The following CRB2 variants were observed in gnomAD, a reference collection of about 807,000 sequenced individuals.
The protein encoded by CRB2 is crumbs cell polarity complex component 2.
A neutral mutation model predicts 110.9 loss-of-function variants in CRB2; 85 were observed. The observed-to-expected ratio is 0.77, with a 90% CI of 0.64 to 0.92. The LOEUF is 0.92. Ranked by LOEUF, CRB2 falls within the 40% of genes least tolerant of loss-of-function variation. CRB2 has a pLI of 0.00. For synonymous variants in CRB2, 907 were observed against 831.0 expected (o/e 1.09, Z -1.57); for missense variants, 1,843 against 1,851.3 (o/e 1.00, Z 0.08).
At chr9:123,368,783 C>A in intron 6 of CRB2, 1 of 1,172,900 alleles carries the variant, frequency 8.5e-7, no homozygotes, top group Non-Finnish European at 1.1e-6. Context: ...CCTGGCATTC[C>A]TGAGCAGGCT....
At chr9:123,368,170 C>T (rs944868473) in intron 6 of CRB2, among the ~76,000 whole-genome samples, 3 of 152,240 alleles carry the variant, frequency 2.0e-5, no homozygotes, top group Admixed American at 1.3e-4. Flanking sequence ...CTGAACGTCC[C>T]TGCCCCCTCT....
intron 1 of CRB2, among the ~76,000 whole-genome samples, chr9:123,360,406 C>A (rs937217557): frequency 1.3e-5 from 2 of 152,300 alleles, no homozygotes; most frequent in South Asian, 4.1e-4. Flanking sequence ...CCCCTCCAGC[C>A]TGGCCCGGGA....
chr9:123,360,034 C>T (rs1018524800), intron 1 of CRB2, among the ~76,000 whole-genome samples: 2 of 152,022 alleles, frequency 1.3e-5, no homozygotes, highest in African/African-American at 4.8e-5. Context: ...GTGAAAATTT[C>T]ACATGCATTG....
upstream of CRB2, among the ~76,000 whole-genome samples, chr9:123,354,552 A>T (rs2041778969): frequency 1.3e-5 from 2 of 152,250 alleles, no homozygotes; most frequent in Non-Finnish European, 2.9e-5. Context: ...CCGGCTAATC[A>T]GTGGCTGAGC....
rs2042089021 is a variant in CRB2, at chr9:123,375,460, T to C, written c.3633+117T>C. 4 of 1,267,508 alleles carry C rather than the reference T, an allele frequency of 3.2e-6. No individual in the cohort carries two copies. The South Asian group carries it at 7.3e-5, about 23-fold the overall frequency. 78.5% of individuals were successfully genotyped at this position (1,267,508 alleles called of 1,614,324 possible). On this transcript the variant is annotated intron_variant, in intron 12 of 12. Coordinates refer to ENST00000373631, the MANE Select transcript of CRB2 (RefSeq NM_173689.7). Reference sequence around the variant, plus strand: ...GTTCCTGGGCCACTCTGTCATGGGGTGGGGCAGTGAGAGGAGCCTCAGGTC... The same window carrying C: ...GTTCCTGGGCCACTCTGTCATGGGGCGGGGCAGTGAGAGGAGCCTCAGGTC...
rs1564375654 is a variant in CRB2, at chr9:123,371,578, TGTAA to T, written c.2436+3_2436+6del. On this transcript the variant is annotated splice_donor_variant and splice_donor_region_variant and intron_variant, in intron 8 of 12. Coordinates refer to ENST00000373631, the MANE Select transcript of CRB2 (RefSeq NM_173689.7). LOFTEE classifies it high-confidence loss of function. ...GCTGCGTCTCCGAGGACATGTGCAG[TGTAA>T]GTGTCTGGTGGCGGTGGTGGTGGTG... 7 of 1,612,360 alleles carry T rather than the reference TGTAA, an allele frequency of 4.3e-6. No individual in the cohort carries two copies. Among genetic ancestry groups the T allele is most frequent in the Admixed American group, 3.3e-5 (2 of 60,002 alleles).
At chr9:123,369,499 G>C (rs983241062) in intron 6 of CRB2, among the ~76,000 whole-genome samples, 2 of 152,126 alleles carry the variant, frequency 1.3e-5, no homozygotes, top group Non-Finnish European at 2.9e-5. Context: ...TGCAGGATGA[G>C]TAGGAGTTTG....
Position 123,370,551 on chromosome 9 carries a change from T to C in CRB2, c.1498T>C (p.Tyr500His). 2 of 1,613,584 alleles carry C rather than the reference T, an allele frequency of 1.2e-6. No individual in the cohort carries two copies. The highest frequency in any genetic ancestry group is 1.7e-6 in the Non-Finnish European group (2 of 1,180,028). The change falls in exon 7 of 13, where the codon TAC becomes CAC. Residue 500 changes from tyrosine to histidine, a missense_variant. By Grantham distance (83) the Tyr-to-His change is moderately conservative (BLOSUM62 2). Transcript: ENST00000373631. ...AATLQATLWS[Y>H]STTVLVLRLP... The stretch of plus-strand genomic sequence containing the variant: ...CACACTTCAGGCCACACTCTGGAGC[T>C]ACAGCACCACTGTGCTTGTCCTGAG...
chr9:123,372,298 G>C lies in CRB2; in HGVS notation c.2558G>C (p.Cys853Ser), dbSNP rs1177286910. 1 of 1,611,476 alleles carries C rather than the reference G, an allele frequency of 6.2e-7. No homozygotes were observed. Among genetic ancestry groups the C allele is most frequent in the Admixed American group, 1.7e-5 (1 of 59,826 alleles). Reference protein sequence around the residue: ...AQQLWCPGQPCLPPATCEEVP... With the variant: ...AQQLWCPGQPSLPPATCEEVP... ...CAGCTGTGGTGTCCCGGCCAGCCCT[G>C]TCTCCCACCTGCCACGTGTGAGGAG... Residue 853 changes from cysteine (C) to serine (S), a missense_variant, in exon 9 of 13, where the codon TGT (cysteine) becomes TCT (serine). Cys to Ser is a moderately radical substitution (Grantham distance 112). Transcript: ENST00000373631.
At chr9:123,357,675 G>A (rs1030236922) in intron 1 of CRB2, among the ~76,000 whole-genome samples, 1 of 152,122 alleles carries the variant, frequency 6.6e-6, no homozygotes, top group Non-Finnish European at 1.5e-5. Flanking sequence ...TACAAAGCAC[G>A]TGAGATCCCG....
Position 123,367,662 on chromosome 9 carries a change from T to A in CRB2, c.1030T>A (p.Cys344Ser). ...CCAGGACCTGCCCAATGGCTTCCAGTGTCACTGCCCAGATGGCTACGCAGG... is the reference window on the plus strand; with the variant it reads ...CCAGGACCTGCCCAATGGCTTCCAGAGTCACTGCCCAGATGGCTACGCAGG... ...HCQDLPNGFQ[C>S]HCPDGYAGPT... The change falls in exon 6 of 13, where the codon TGT becomes AGT. Residue 344 changes from cysteine (C) to serine (S), a missense_variant. By Grantham distance (112) the Cys-to-Ser change is moderately radical. Transcript: ENST00000373631. The A allele has an allele frequency of 6.4e-7, 1 of 1,564,914 alleles. No individual in the cohort carries two copies.
Position 123,377,163 on chromosome 9 carries a change from T to C in CRB2, c.*101T>C. The C allele has an allele frequency of 8.8e-7, 1 of 1,135,864 alleles. No homozygotes were observed. Among genetic ancestry groups the C allele is most frequent in the Non-Finnish European group, 1.2e-6 (1 of 817,886 alleles). The allele number at this position is 1,135,864 out of a possible 1,614,324, so 70.4% of individuals were successfully genotyped here. On this transcript the variant is annotated 3_prime_UTR_variant, in exon 13 of 13. Coordinates refer to ENST00000373631, the MANE Select transcript of CRB2 (RefSeq NM_173689.7). ...AGGGCTCGGGACATTGCTACGGAAG[T>C]GTCCCCTTGGCTGGCAGCCTCTGCC...
At chr9:123,368,902 C>T (rs560991157) in intron 6 of CRB2, 92 of 1,267,272 alleles carry the variant, frequency 7.3e-5, no homozygotes, top group African/African-American at 7.1e-4. Context: ...GCAATGGAGC[C>T]GGGGGCTCTG....
At position 123,373,589 on chromosome 9, in the gene CRB2, G is replaced by C; in HGVS notation, c.3058G>C (p.Gly1020Arg). 1 of 1,439,984 alleles carries C rather than the reference G, an allele frequency of 6.9e-7. No homozygotes were observed. Among genetic ancestry groups the C allele is most frequent in the Non-Finnish European group, 9.1e-7 (1 of 1,098,092 alleles). 89.2% of individuals were successfully genotyped at this position (1,439,984 alleles called of 1,614,324 possible). A position where few individuals can be genotyped will look rare whatever the true frequency, so the allele number is the denominator to read the frequency against. Reference sequence around the variant, plus strand: ...CGGCTGCTTGGGCCGCGTGGCGCTGGGCGGCCTGCCCCTGCCCTTGGCGCG... The same window carrying C: ...CGGCTGCTTGGGCCGCGTGGCGCTGCGCGGCCTGCCCCTGCCCTTGGCGCG... ...FTGCLGRVAL[G>R]GLPLPLARPR... The change falls in exon 10 of 13, where the codon GGC (glycine) becomes CGC (arginine). Residue 1020 changes from glycine (G) to arginine (R), a missense_variant. By Grantham distance (125) the Gly-to-Arg change is moderately radical (BLOSUM62 -2). Transcript: ENST00000373631.
At chr9:123,368,220 C>T (rs2041964684) in intron 6 of CRB2, among the ~76,000 whole-genome samples, 1 of 152,170 alleles carries the variant, frequency 6.6e-6, no homozygotes, top group Non-Finnish European at 1.5e-5. Flanking sequence ...GCCCGCATTC[C>T]TGCTGGGGCA....
At chr9:123,364,435 G>A (rs927782755) in intron 2 of CRB2, among the ~76,000 whole-genome samples, 4 of 112,500 alleles carry the variant, frequency 3.6e-5, no homozygotes, top group Non-Finnish European at 8.2e-5. Flanking sequence ...TGGGTAAGCT[G>A]TGGATGTGAG....
At position 123,372,288 on chromosome 9, in the gene CRB2, G is replaced by T; in HGVS notation, c.2548G>T (p.Gly850Cys). Residue 850 changes from glycine (G) to cysteine (C), a missense_variant, in exon 9 of 13, where the codon GGC (glycine) becomes TGC (cysteine). Coordinates refer to ENST00000373631, the MANE Select transcript of CRB2 (RefSeq NM_173689.7). The stretch of plus-strand genomic sequence containing the variant: ...GTGTGCCCAGCAGCTGTGGTGTCCC[G>T]GCCAGCCCTGTCTCCCACCTGCCAC... ...PTCAQQLWCP[G>C]QPCLPPATCE... 1 of 1,612,256 alleles carries T rather than the reference G, an allele frequency of 6.2e-7. No individual in the cohort carries two copies. Among genetic ancestry groups the T allele is most frequent in the Non-Finnish European group, 8.5e-7 (1 of 1,179,086 alleles).
chr9:123,356,525 C>T (rs1390055449), intron 1 of CRB2, among the ~76,000 whole-genome samples, 171 bp downstream of exon 1: 1 of 144,668 alleles, frequency 6.9e-6, no homozygotes, highest in Non-Finnish European at 1.5e-5. Context: ...TGTGGGGCTC[C>T]ACGGAGGTGA....
In CRB2 at chr9:123,373,657, G is replaced by T. The variant is rs2488600; in HGVS notation, c.3126G>T (p.Ala1042=). 1.4e-6 allele frequency: 2 copies of T among 1,426,358 alleles called. No individual in the cohort carries two copies. The highest frequency in any genetic ancestry group is 3.0e-5 in the East Asian group (1 of 32,902). 88.4% of individuals were successfully genotyped at this position (1,426,358 alleles called of 1,614,324 possible). A position where few individuals can be genotyped will look rare whatever the true frequency, so the allele number is the denominator to read the frequency against. The stretch of plus-strand genomic sequence containing the variant: ...CCCCTGGCGCCCGAGAGCACTTCGC[G>T]TCTTGGCCTGGGACGCCGGCCCCGA... The part of the protein sequence containing the change: ...GAAPGAREHF[A]SWPGTPAPIL... The change falls in exon 10 of 13, where the codon GCG becomes GCT. Residue 1042 remains alanine, a synonymous_variant. Transcript: ENST00000373631.
Sources: gnomAD v4.1 joint callset for allele counts (sites outside exome capture counted in the v4.1 genomes callset) on GRCh38, gnomAD v4.1.1 for gene constraint, MANE v1.5 for transcripts, NCBI Gene and HGNC (gene_info 2026-07-23, HGNC 2026-07-21) for gene names.